WWOX: variants seen among roughly 807,000 people sequenced by gnomAD.
WWOX encodes WW domain containing oxidoreductase.
WWOX carries 69 observed loss-of-function variants against 46.2 expected under a neutral mutation model. The observed-to-expected ratio is 1.49, with a 90% confidence interval of 1.23 to 1.82. The LOEUF (loss-of-function observed/expected upper bound fraction) is 1.82. Ranked by LOEUF, WWOX falls within the 40% of genes most tolerant of loss-of-function variation. The pLI is 0.00. For synonymous variants in WWOX, 359 were observed against 202.6 expected (o/e 1.77, Z -6.56); for missense variants, 919 against 542.6 (o/e 1.69, Z -6.89).
At chr16:78,793,657 C>G (rs2142610683) in intron 8 of WWOX, among the ~76,000 whole-genome samples, 1 of 152,130 alleles carries the variant, frequency 6.6e-6, no homozygotes, top group South Asian at 2.1e-4. Flanking sequence ...AACTTTTTTT[C>G]AGACTATTCA....
intron 8 of WWOX, among the ~76,000 whole-genome samples, chr16:79,023,724 C>G (rs1434620122): frequency 6.6e-6 from 1 of 151,268 alleles, no homozygotes; most frequent in Non-Finnish European, 1.5e-5. Context: ...AAGTTCGAGA[C>G]CAGCCTGGCT....
intron 8 of WWOX, among the ~76,000 whole-genome samples, chr16:78,619,705 G>C (rs1166333572): frequency 6.6e-6 from 1 of 151,308 alleles, no homozygotes; most frequent in Non-Finnish European, 1.5e-5. Flanking sequence ...AGCAATTGGA[G>C]ACCAGCCTGG....
intron 4 of WWOX, among the ~76,000 whole-genome samples, chr16:78,152,210 T>C (rs2034439520): frequency 6.6e-6 from 1 of 151,776 alleles, no homozygotes; most frequent in Non-Finnish European, 1.5e-5. Context: ...AAAAAAAAAT[T>C]ATAACATGGA....
chr16:78,811,750 T>C (rs2051195551), intron 8 of WWOX, among the ~76,000 whole-genome samples: 1 of 151,734 alleles, frequency 6.6e-6, no homozygotes, highest in Admixed American at 6.6e-5. Flanking sequence ...CCTAACAACC[T>C]CTCCAGGGTC....
intron 6 of WWOX, among the ~76,000 whole-genome samples, chr16:78,424,570 C>G (rs769571773): frequency 1.3e-5 from 2 of 152,180 alleles, no homozygotes; most frequent in Non-Finnish European, 2.9e-5. Flanking sequence ...GGTGACAACT[C>G]TTCGCAGATT....
intron 8 of WWOX, among the ~76,000 whole-genome samples, chr16:78,683,401 G>C (rs930721394): frequency 6.6e-6 from 1 of 151,712 alleles, no homozygotes; most frequent in Non-Finnish European, 1.5e-5. Context: ...AAATTTAGGC[G>C]TGGTGGTGTG....
At chr16:78,764,714 T>C (rs972902656) in intron 8 of WWOX, among the ~76,000 whole-genome samples, 1 of 150,934 alleles carries the variant, frequency 6.6e-6, no homozygotes, top group African/African-American at 2.4e-5. Context: ...TGGGTGCAAT[T>C]CTAGTACCTC....
At chr16:78,540,248 A>C (rs1346319370) in intron 8 of WWOX, among the ~76,000 whole-genome samples, 1 of 152,116 alleles carries the variant, frequency 6.6e-6, no homozygotes, top group Admixed American at 6.5e-5. Flanking sequence ...CAGAAAAAAA[A>C]AAAAATGGAA....
chr16:79,125,703 A>G (rs1642773553), intron 8 of WWOX, among the ~76,000 whole-genome samples: 1 of 152,208 alleles, frequency 6.6e-6, no homozygotes, highest in Non-Finnish European at 1.5e-5. Context: ...CAATGTTGAC[A>G]TTGTGAATCC....
chr16:78,343,537 C>T lies in WWOX; in HGVS notation c.517-43323C>T, dbSNP rs540600249. 4.1e-5 allele frequency among the ~76,000 whole-genome samples: 5 copies of T among 120,892 alleles called. 2 individuals are homozygous for T. The South Asian group carries it at 7.5e-4, about 18-fold the overall frequency. The allele number at this position is 120,892 out of a possible 152,430, so 79.3% of individuals were successfully genotyped here. Reference sequence around the variant, plus strand: ...AGCTGGGTCTTAAAGCTTCTGGGCACAGCCCCCCTTGAGTCTTCATTATGG... The same window carrying T: ...AGCTGGGTCTTAAAGCTTCTGGGCATAGCCCCCCTTGAGTCTTCATTATGG... On this transcript the variant is annotated intron_variant, in intron 5 of 8. Coordinates refer to ENST00000566780, the MANE Select transcript of WWOX (RefSeq NM_016373.4).
intron 8 of WWOX, among the ~76,000 whole-genome samples, chr16:79,087,515 GAAC>G (rs1469315581): frequency 2.0e-5 from 3 of 152,330 alleles, no homozygotes; most frequent in South Asian, 4.1e-4. Context: ...CCCTGTGCTA[GAAC>G]AACAAGCTTG....
intron 8 of WWOX, among the ~76,000 whole-genome samples, chr16:78,785,933 G>C (rs778270405): frequency 6.6e-6 from 1 of 152,096 alleles, no homozygotes; most frequent in African/African-American, 2.4e-5. Context: ...TTGAGATGGA[G>C]TCTCATTCTG....
At chr16:78,433,310 G>A (rs1423108161) in intron 8 of WWOX, among the ~76,000 whole-genome samples, 1 of 152,102 alleles carries the variant, frequency 6.6e-6, no homozygotes, top group Non-Finnish European at 1.5e-5. Flanking sequence ...ATGAATCATG[G>A]TACTGTGGTT....
At chr16:78,354,349 C>CT (rs140702570) in intron 5 of WWOX, among the ~76,000 whole-genome samples, 7,891 of 124,982 alleles carry the variant, frequency 0.063, 302 homozygotes, top group Middle Eastern at 0.14. Flanking sequence ...AGGTATGTGA[C>CT]TGAAACCCAT....
At chr16:78,577,457 C>G (rs193000110) in intron 8 of WWOX, among the ~76,000 whole-genome samples, 5 of 152,152 alleles carry the variant, frequency 3.3e-5, no homozygotes, top group South Asian at 4.1e-4. Context: ...AGCTGGCTCA[C>G]CTTTCATGCA....
chr16:78,218,189 G>A (rs1312701107), intron 5 of WWOX, among the ~76,000 whole-genome samples: 2 of 152,112 alleles, frequency 1.3e-5, no homozygotes, highest in African/African-American at 4.8e-5. Flanking sequence ...CGAGTAGCTT[G>A]TACTGCAGAT....
intron 5 of WWOX, among the ~76,000 whole-genome samples, chr16:78,352,896 G>A (rs1386204344): frequency 6.6e-6 from 1 of 152,142 alleles, no homozygotes; most frequent in Non-Finnish European, 1.5e-5. Flanking sequence ...CTGGATAGGA[G>A]TATAGAGAAA....
chr16:78,593,841 G>A (rs1040499131), intron 8 of WWOX, among the ~76,000 whole-genome samples: 1 of 152,082 alleles, frequency 6.6e-6, no homozygotes, highest in African/African-American at 2.4e-5. Flanking sequence ...CATACGAGGA[G>A]TCCCTGGGTC....
intron 8 of WWOX, among the ~76,000 whole-genome samples, chr16:79,109,633 TTAAA>T (rs2049378380): frequency 6.6e-6 from 1 of 152,208 alleles, no homozygotes; most frequent in South Asian, 2.1e-4. Context: ...ATGGAGAATA[TTAAA>T]TAAAATGAAC....
Sources: gnomAD v4.1 joint callset for allele counts (sites outside exome capture counted in the v4.1 genomes callset) on GRCh38, gnomAD v4.1.1 for gene constraint, MANE v1.5 for transcripts, NCBI Gene and HGNC (gene_info 2026-07-23, HGNC 2026-07-21) for gene names.